FCSK: variants seen among roughly 807,000 people sequenced by gnomAD.
FCSK encodes L-fucose kinase.
FCSK carries 123 observed loss-of-function variants against 122.5 expected under a neutral mutation model. The observed-to-expected ratio is 1.00, with a 90% CI of 0.87 to 1.17. FCSK has a LOEUF of 1.17. FCSK is among the 50% of genes most tolerant of loss of function. The probability of loss-of-function intolerance (pLI) is 0.00; values close to 1 mark genes in which losing one functional copy is unlikely to be tolerated. For synonymous variants in FCSK, 620 were observed against 625.5 expected, an observed-to-expected ratio of 0.99 and a Z score of 0.13; for missense variants, 1,366 against 1,450.4, an observed-to-expected ratio of 0.94 and a Z score of 0.95.
At position 70,475,711 on chromosome 16, in the gene FCSK, T is replaced by C. The variant is rs1246038089; in HGVS notation, c.2585T>C (p.Val862Ala). 1 of 1,602,828 alleles carries C rather than the reference T, an allele frequency of 6.2e-7. No individual in the cohort carries two copies. The highest frequency in any genetic ancestry group is 2.2e-5 in the East Asian group (1 of 44,528). ...TTGCAGCGAGCCGCAGGCCGGGTGG[T>C]GGGCACGGAAGCCCTGATCCACGCA... ...AALQRAAGRV[V>A]GTEALIHAVL... The change falls in exon 20 of 24, where the codon GTG becomes GCG. Residue 862 changes from valine (V) to alanine (A), a missense_variant. Physicochemically the swap from Val to Ala is moderately conservative, Grantham distance 64 (BLOSUM62 0). Transcript: ENST00000288078.
chr16:70,477,133 C>G (rs2048841956), intron 20 of FCSK, among the ~76,000 whole-genome samples: 1 of 152,214 alleles, frequency 6.6e-6, no homozygotes, highest in African/African-American at 2.4e-5. Flanking sequence ...GCAGGCCCTT[C>G]CCTAACTATC....
chr16:70,468,015 A>G, intron 8 of FCSK, 49 bp downstream of exon 8: 1 of 1,392,256 alleles, frequency 7.2e-7, no homozygotes, highest in South Asian at 1.2e-5. Context: ...CTTATGGGAC[A>G]GGGAGGGAGG....
At position 70,467,437 on chromosome 16, in the gene FCSK, C is replaced by T. The variant is rs1227716442; in HGVS notation, c.548C>T (p.Ala183Val). The T allele has an allele frequency of 2.5e-6, 4 of 1,609,720 alleles. No individual in the cohort carries two copies. Among genetic ancestry groups the T allele is most frequent in the Non-Finnish European group, 3.4e-6 (4 of 1,178,386 alleles). The change falls in exon 7 of 24, where the codon GCT becomes GTT. Residue 183 changes from alanine to valine, a missense_variant. Coordinates refer to ENST00000288078, the MANE Select transcript of FCSK (RefSeq NM_145059.3). ...VIALPGSPAY[A>V]QNHGVYLTDP... Reference sequence around the variant, plus strand: ...GCCCTCCCAGGGAGCCCGGCCTACGCTCAGAATCATGGCGTCTACCTAACT... The same window carrying T: ...GCCCTCCCAGGGAGCCCGGCCTACGTTCAGAATCATGGCGTCTACCTAACT...
chr16:70,478,931 AG>A lies in FCSK; in HGVS notation c.2930-246del, dbSNP rs2048907588. 9 of 690,262 alleles carry A rather than the reference AG, an allele frequency of 1.3e-5. No homozygotes were observed. In the South Asian group the frequency reaches 1.4e-4, roughly 11 times the overall value. The allele number at this position is 690,262 out of a possible 1,614,324, so 42.8% of individuals were successfully genotyped here. On this transcript the variant is annotated intron_variant, in intron 22 of 23. Transcript: ENST00000288078. ...AGTTCCAAGGAAGTCTGAGCTGGGC[AG>A]GGTCCCCAGTGTGTGGCTTCACAGC...
chr16:70,478,626 GA>G lies in FCSK; in HGVS notation c.2906del (p.Glu969GlyfsTer18). On this transcript the variant is annotated frameshift_variant, in exon 22 of 24. Coordinates refer to ENST00000288078, the MANE Select transcript of FCSK (RefSeq NM_145059.3). LOFTEE classifies it high-confidence loss of function. The part of the protein sequence containing the change: ...NAHSLVRQTE[E>X]CAEGFRQGSL... ...CCACAGCCTGGTACGGCAAACTGAG[GA>G]GTGTGCTGAAGGCTTCCGCCAAGGT... is the stretch of plus-strand genomic sequence containing the variant. The G allele has an allele frequency of 1.9e-6, 3 of 1,613,698 alleles. No individual in the cohort carries two copies. The highest frequency in any genetic ancestry group is 2.5e-6 in the Non-Finnish European group (3 of 1,180,028).
At chr16:70,465,693 G>A (rs1007420924) in intron 4 of FCSK, among the ~76,000 whole-genome samples, 1 of 152,114 alleles carries the variant, frequency 6.6e-6, no homozygotes, top group African/African-American at 2.4e-5. Flanking sequence ...CATCTGTAAA[G>A]TGGCTCACAC....
At chr16:70,476,953 A>T (rs1393693803) in intron 20 of FCSK, among the ~76,000 whole-genome samples, 1 of 152,206 alleles carries the variant, frequency 6.6e-6, no homozygotes, top group South Asian at 2.1e-4. Flanking sequence ...ACAGACATTA[A>T]TCAATAACTA....
chr16:70,470,950 T>A (rs1438806426), intron 11 of FCSK, 21 bp from the exon 12 acceptor site: 1 of 1,557,976 alleles, frequency 6.4e-7, no homozygotes, highest in Non-Finnish European at 8.7e-7. Flanking sequence ...CCCCTCATGC[T>A]CCTCCTACCT....
chr16:70,464,277 C>A (rs554146523), intron 3 of FCSK, among the ~76,000 whole-genome samples: 1 of 152,284 alleles, frequency 6.6e-6, no homozygotes, highest in African/African-American at 2.4e-5. Context: ...GGGAGGGGAC[C>A]ACTGTAGCTG....
At position 70,473,250 on chromosome 16, in the gene FCSK, G is replaced by A. The variant is rs771305367; in HGVS notation, c.1674G>A (p.Ala558=). The change falls in exon 15 of 24, where the codon GCG becomes GCA. Residue 558 remains alanine (A), a synonymous_variant. Transcript: ENST00000288078. The surrounding 1 kb of genome is among the most constrained non-coding windows in gnomAD (Gnocchi z 4.9). The stretch of plus-strand genomic sequence containing the variant: ...TCTTCCGCCAGGCCCTGCATAAGGC[G>A]CGGCACGTGCTGGAGGCCCGGCAGG... ...DLFFRQALHK[A]RHVLEARQDL... is the part of the protein sequence containing the mutation. 4.7e-4 allele frequency: 714 copies of A among 1,532,930 alleles called. 2 individuals carry two copies. The highest frequency in any genetic ancestry group is 1.5e-3 in the Admixed American group (74 of 50,848). 95.0% of individuals were successfully genotyped at this position (1,532,930 alleles called of 1,614,324 possible).
chr16:70,476,248 C>T (rs903502198), intron 20 of FCSK: 1 of 152,414 alleles, frequency 6.6e-6, no homozygotes, highest in African/African-American at 2.4e-5. Context: ...CGTGATCCGC[C>T]CGCCTCGGCC....
intron 13 of FCSK, 46 bp downstream of exon 13, chr16:70,471,398 G>A (rs2048615345): frequency 6.7e-7 from 1 of 1,500,904 alleles, no homozygotes; most frequent in African/African-American, 1.4e-5. Flanking sequence ...TCAGGCTTTG[G>A]GGAGCCCAAG....
In FCSK at chr16:70,474,999, C is replaced by A; in HGVS notation, c.2365C>A (p.Pro789Thr). The A allele has an allele frequency of 6.2e-7, 1 of 1,602,106 alleles. No homozygotes were observed. Among genetic ancestry groups the A allele is most frequent in the Non-Finnish European group, 8.5e-7 (1 of 1,175,834 alleles). ...GGCTGACCTGCGGGACTACTGCCAG[C>A]CTCATGCCCCAGGTCAGGCACCCTG... ...CLADLRDYCQ[P>T]HAPGALLKAA... is the part of the protein sequence containing the mutation. The change falls in exon 18 of 24, where the codon CCT (proline) becomes ACT (threonine). Residue 789 changes from proline (P) to threonine (T), a missense_variant. Transcript: ENST00000288078.
intron 13 of FCSK, among the ~76,000 whole-genome samples, chr16:70,472,316 G>A (rs1386533607): frequency 6.6e-6 from 1 of 152,194 alleles, no homozygotes; most frequent in Non-Finnish European, 1.5e-5. Flanking sequence ...AGTGGCTCAT[G>A]CCTGTAATCT....
chr16:70,479,068 G>C lies in FCSK; in HGVS notation c.2930-112G>C, dbSNP rs1022798408. The C allele has an allele frequency of 4.0e-5, 34 of 852,364 alleles. No individual in the cohort carries two copies. In the African/African-American group the frequency reaches 4.2e-4, roughly 11 times the overall value. The allele number at this position is 852,364 out of a possible 1,614,324, so 52.8% of individuals were successfully genotyped here. A position where few individuals can be genotyped will look rare whatever the true frequency, so the allele number is the denominator to read the frequency against. On this transcript the variant is annotated intron_variant, in intron 22 of 23. Transcript: ENST00000288078. ...TGGCTCCAGCCGGCACTGGAATCCGGCTTCTTTACCATGACACTGGCTCAG... is the reference window on the plus strand; with the variant it reads ...TGGCTCCAGCCGGCACTGGAATCCGCCTTCTTTACCATGACACTGGCTCAG...
chr16:70,459,030 T>C (rs909079655), intron 1 of FCSK, among the ~76,000 whole-genome samples: 1 of 151,466 alleles, frequency 6.6e-6, no homozygotes, highest in African/African-American at 2.4e-5. Context: ...TTGGGCAATG[T>C]GGCAAGACCC....
At chr16:70,470,846 A>T in intron 11 of FCSK, 125 bp from the exon 12 acceptor site, 1 of 782,084 alleles carries the variant, frequency 1.3e-6, no homozygotes. Flanking sequence ...AGAGGAGTCT[A>T]GGGTGCTGCA....
chr16:70,474,878 C>T lies in FCSK; in HGVS notation c.2244C>T (p.Ile748=), dbSNP rs775565701. Residue 748 remains isoleucine, a synonymous_variant, in exon 18 of 24, where the codon ATC becomes ATT. Transcript: ENST00000288078. ...LAVRVDGRRP[I]GARARRIPEP... is the part of the protein sequence containing the mutation. The stretch of plus-strand genomic sequence containing the variant: ...TGCGAGTGGACGGCCGCCGGCCCAT[C>T]GGAGCCAGGGCACGCCGCATCCCGG... 13 of 1,602,648 alleles carry T rather than the reference C, an allele frequency of 8.1e-6. No homozygotes were observed. The highest frequency in any genetic ancestry group is 5.6e-5 in the South Asian group (5 of 89,598).
At chr16:70,469,011 G>A (rs748318078) in intron 9 of FCSK, 43 bp downstream of exon 9, 22 of 1,609,224 alleles carry the variant, frequency 1.4e-5, no homozygotes, top group Non-Finnish European at 1.9e-5. Context: ...GCTTGGGGGC[G>A]AGGCACTGTG....
Sources: gnomAD v4.1 joint callset for allele counts (sites outside exome capture counted in the v4.1 genomes callset) on GRCh38, gnomAD v4.1.1 for gene constraint, Gnocchi (gnomAD v3.1) non-coding constraint, MANE v1.5 for transcripts, NCBI Gene and HGNC (gene_info 2026-07-23, HGNC 2026-07-21) for gene names.